Variants in NRXN3 observed in about 807,000 individuals in gnomAD.
NRXN3 encodes neurexin 3.
In NRXN3, 32 loss-of-function variants were observed where a neutral mutation model predicts 137.6. The observed-to-expected ratio is 0.23, with a 90% CI of 0.18 to 0.31. The LOEUF is 0.31. NRXN3 is among the 10% of genes least tolerant of loss of function. NRXN3 has a pLI of 1.00. For missense variants in NRXN3, 1,574 were observed against 2,062.5 expected, an observed-to-expected ratio of 0.76 and a Z score of 4.59; for synonymous variants, 798 against 784.5, an observed-to-expected ratio of 1.02 and a Z score of -0.29.
At chr14:79,329,490 G>C (rs543403454) in intron 15 of NRXN3, among the ~76,000 whole-genome samples, 139 of 152,306 alleles carry the variant, frequency 9.1e-4, no homozygotes, top group Admixed American at 1.6e-3. Flanking sequence ...CCTGGGTTTT[G>C]CAAGCCATAT....
chr14:78,597,625 C>A (rs1033042406), intron 4 of NRXN3, among the ~76,000 whole-genome samples: 1 of 152,156 alleles, frequency 6.6e-6, no homozygotes, highest in Non-Finnish European at 1.5e-5. Context: ...ATCCTCTGCC[C>A]GTGAAGCTGA....
rs574120090 is a variant in NRXN3 at position 79,272,029 on chromosome 14, GT to G, written c.3263-195189del. The stretch of plus-strand genomic sequence containing the variant: ...TTGAACTCTAGTCTTTTAACACTCA[GT>G]TTACGTGTTACCTTGTCTATGAATC... On this transcript the variant is annotated intron_variant, in intron 15 of 20. Coordinates refer to ENST00000335750, the MANE Select transcript of NRXN3 (RefSeq NM_001330195.2). Among the ~76,000 whole-genome samples, 579 of 152,194 alleles carry G rather than the reference GT, an allele frequency of 3.8e-3. 7 individuals are homozygous for G. Among genetic ancestry groups the G allele is most frequent in the African/African-American group, 0.012 (514 of 41,522 alleles).
chr14:78,722,490 C>T (rs2098464618), intron 8 of NRXN3, among the ~76,000 whole-genome samples: 1 of 152,176 alleles, frequency 6.6e-6, no homozygotes, highest in African/African-American at 2.4e-5. Flanking sequence ...TTTCTAGCAT[C>T]TCTGGCTTCA....
intron 15 of NRXN3, among the ~76,000 whole-genome samples, chr14:79,381,932 T>G (rs2094481537): frequency 6.6e-6 from 1 of 152,200 alleles, no homozygotes; most frequent in African/African-American, 2.4e-5. Flanking sequence ...GCCTGCCACA[T>G]TATCCTCTGA....
At chr14:79,386,828 C>T (rs1360036673) in intron 15 of NRXN3, among the ~76,000 whole-genome samples, 1 of 152,130 alleles carries the variant, frequency 6.6e-6, no homozygotes, top group African/African-American at 2.4e-5. Context: ...CTTTGACAAA[C>T]CTGAGAAAAA....
intron 10 of NRXN3, among the ~76,000 whole-genome samples, chr14:78,879,335 G>T (rs1293596437): frequency 1.3e-5 from 2 of 151,988 alleles, no homozygotes; most frequent in Admixed American, 6.5e-5. Context: ...AGTATACCAG[G>T]GTTCCCTTTT....
intron 15 of NRXN3, among the ~76,000 whole-genome samples, chr14:78,989,592 A>G (rs375426186): frequency 6.6e-6 from 1 of 152,292 alleles, no homozygotes; most frequent in African/African-American, 2.4e-5. Context: ...TCATGTTGCC[A>G]TATTTATGAT....
intron 15 of NRXN3, among the ~76,000 whole-genome samples, chr14:79,120,356 T>A (rs918791374): frequency 6.6e-6 from 1 of 152,072 alleles, no homozygotes; most frequent in African/African-American, 2.4e-5. Context: ...CTGAAAAATA[T>A]ATTTCTTTTA....
At chr14:78,259,605 G>A (rs1355731472) in intron 2 of NRXN3, among the ~76,000 whole-genome samples, 4 of 152,148 alleles carry the variant, frequency 2.6e-5, no homozygotes, top group Non-Finnish European at 5.9e-5. Context: ...TATAAGTGCT[G>A]GTAATTAATT....
Position 79,769,886 on chromosome 14 carries a change from A to G in NRXN3, c.4015-35226A>G, listed in dbSNP as rs370848588. Among the ~76,000 whole-genome samples, 54 of 152,182 alleles carry G rather than the reference A, an allele frequency of 3.5e-4. 1 individual carries two copies. Among genetic ancestry groups the G allele is most frequent in the African/African-American group, 1.0e-3 (43 of 41,432 alleles). ...GCTGTATTCAGGAAACCCATCTCACATGCAGAGACACACATAGGCTCAAAA... is the reference window on the plus strand; with the variant it reads ...GCTGTATTCAGGAAACCCATCTCACGTGCAGAGACACACATAGGCTCAAAA... On this transcript the variant is annotated intron_variant, in intron 19 of 20. Transcript: ENST00000335750.
chr14:79,442,862 C>T lies in NRXN3; in HGVS notation c.3263-24359C>T, dbSNP rs118030455. ...GGACACCCTAGACGTTCAACTGTTC[C>T]GTGTGATCAGTGTCTGCCTTAAAAT... On this transcript the variant is annotated intron_variant, in intron 15 of 20. Coordinates refer to ENST00000335750, the MANE Select transcript of NRXN3 (RefSeq NM_001330195.2). Among the ~76,000 whole-genome samples, 609 of 152,274 alleles carry T rather than the reference C, an allele frequency of 4.0e-3. 1 individual carries two copies. Among genetic ancestry groups the T allele is most frequent in the Non-Finnish European group, 6.7e-3 (453 of 68,022 alleles).
intron 4 of NRXN3, among the ~76,000 whole-genome samples, chr14:78,419,388 C>A (rs1208877487): frequency 6.6e-6 from 1 of 152,086 alleles, no homozygotes. Flanking sequence ...CAGGTGCTTG[C>A]CTCTACCACC....
intron 16 of NRXN3, among the ~76,000 whole-genome samples, chr14:79,610,899 G>T (rs2153868347): frequency 6.6e-6 from 1 of 152,318 alleles, no homozygotes; most frequent in Non-Finnish European, 1.5e-5. Context: ...ACAGATAGCT[G>T]TCAATGCCTG....
rs1491274768 is a variant in NRXN3, at chr14:78,456,856, T to TC, written c.757+158996_757+158997insC. 4.3e-3 allele frequency among the ~76,000 whole-genome samples: 390 copies of TC among 90,492 alleles called. 1 individual carries two copies. The highest frequency in any genetic ancestry group is 6.9e-3 in the Non-Finnish European group (267 of 38,578). The allele number at this position is 90,492 out of a possible 152,430, so 59.4% of individuals were successfully genotyped here. A position where few individuals can be genotyped will look rare whatever the true frequency, so the allele number is the denominator to read the frequency against. Reference sequence around the variant, plus strand: ...TTCTTTCTTTCTTTCTTTCTTTCTTTTTCTCTTTCTTTCTTTCTTTCTTTC... The same window carrying TC: ...TTCTTTCTTTCTTTCTTTCTTTCTTTCTTCTCTTTCTTTCTTTCTTTCTTTC... On this transcript the variant is annotated intron_variant, in intron 4 of 20. Coordinates refer to ENST00000335750, the MANE Select transcript of NRXN3 (RefSeq NM_001330195.2).
At chr14:78,863,131 C>T (rs1051805558) in intron 10 of NRXN3, among the ~76,000 whole-genome samples, 5 of 152,094 alleles carry the variant, frequency 3.3e-5, no homozygotes, top group African/African-American at 7.2e-5. Flanking sequence ...ATTAAAACCA[C>T]GAGTATCCCT....
chr14:79,524,997 G>T (rs2097105176), intron 16 of NRXN3, among the ~76,000 whole-genome samples: 1 of 152,032 alleles, frequency 6.6e-6, no homozygotes, highest in African/African-American at 2.4e-5. Context: ...TTCTGAAATG[G>T]GGGTCTTATG....
At chr14:79,059,622 G>T (rs2152649913) in intron 15 of NRXN3, among the ~76,000 whole-genome samples, 1 of 152,216 alleles carries the variant, frequency 6.6e-6, no homozygotes, top group Admixed American at 6.5e-5. Flanking sequence ...GTCCAAACAA[G>T]GTCTCTAGTT....
intron 4 of NRXN3, among the ~76,000 whole-genome samples, chr14:78,623,831 A>T (rs2097429028): frequency 6.6e-6 from 1 of 152,120 alleles, no homozygotes; most frequent in Non-Finnish European, 1.5e-5. Context: ...GCCTCCCAAA[A>T]TGTTGGGATT....
At chr14:78,902,543 G>A (rs1260570121) in intron 10 of NRXN3, among the ~76,000 whole-genome samples, 1 of 151,976 alleles carries the variant, frequency 6.6e-6, no homozygotes, top group Non-Finnish European at 1.5e-5. Context: ...AGGAGATGAA[G>A]GAGGAGGAAG....
Sources: allele counts gnomAD v4.1 joint callset (sites outside exome capture counted in the v4.1 genomes callset), GRCh38; gene constraint gnomAD v4.1.1; transcripts MANE v1.5; gene names NCBI Gene and HGNC (gene_info 2026-07-23, HGNC 2026-07-21).